Variants in POMT2 observed in about 807,000 individuals in gnomAD.
The protein encoded by POMT2 is protein O-mannosyltransferase 2, also known as protein O-mannosyl-transferase 2.
POMT2 carries 75 observed loss-of-function variants against 100.0 expected under a neutral mutation model. That is an observed-to-expected ratio of 0.75 (90% CI 0.62 to 0.91). POMT2 has a LOEUF of 0.91. Among genes scored for constraint, POMT2 ranks in the 40% least tolerant of loss-of-function variants. The pLI, the probability that POMT2 is intolerant of heterozygous loss-of-function variation, is 0.00. For missense variants in POMT2, 940 were observed against 955.1 expected, an observed-to-expected ratio of 0.98 and a Z score of 0.21; for synonymous variants, 378 against 374.1, an observed-to-expected ratio of 1.01 and a Z score of -0.12.
At chr14:77,310,158 T>C (rs4899650) in intron 2 of POMT2, among the ~76,000 whole-genome samples, 1 of 152,138 alleles carries the variant, frequency 6.6e-6, no homozygotes, top group Non-Finnish European at 1.5e-5. Flanking sequence ...ATACTCAACA[T>C]GTTCTGTTGT....
At chr14:77,297,902 G>C (rs1890886947) in intron 8 of POMT2, among the ~76,000 whole-genome samples, 1 of 152,080 alleles carries the variant, frequency 6.6e-6, no homozygotes, top group African/African-American at 2.4e-5. Context: ...CAGCCTTCCT[G>C]GCCTCCTGGC....
chr14:77,283,371 T>C (rs1566646165), intron 15 of POMT2, among the ~76,000 whole-genome samples: 1 of 152,234 alleles, frequency 6.6e-6, no homozygotes, highest in Non-Finnish European at 1.5e-5. Flanking sequence ...TGAAGGAGTG[T>C]AGTGGTAACT....
At position 77,278,860 on chromosome 14, in the gene POMT2, T is replaced by A; in HGVS notation, c.1901A>T (p.Gln634Leu). ...CTGGCCGCCTCCTCGAAGCAGGACC[T>A]GGGACAACCCTGGGCCCAAGCAGCA... Reference protein sequence around the residue: ...RLPAEVAGLSQVLLRGGGQVL... With the variant: ...RLPAEVAGLSLVLLRGGGQVL... Residue 634 changes from glutamine (Q) to leucine (L), a missense_variant, in exon 19 of 21, where the codon CAG (glutamine) becomes CTG (leucine). By Grantham distance (113) the Gln-to-Leu change is moderately radical. Transcript: ENST00000261534. 2 of 1,613,180 alleles carry A rather than the reference T, an allele frequency of 1.2e-6. No homozygotes were observed. The highest frequency in any genetic ancestry group is 2.2e-5 in the South Asian group (2 of 91,070).
Position 77,275,283 on chromosome 14 carries a change from T to C in POMT2, c.*2093A>G, listed in dbSNP as rs528818473. The C allele has an allele frequency of 2.8e-4, 43 of 152,362 alleles. No individual in the cohort carries two copies. The highest frequency in any genetic ancestry group is 4.4e-4 in the Non-Finnish European group (30 of 68,050). 9.4% of individuals were successfully genotyped at this position (152,362 alleles called of 1,614,324 possible). A position where few individuals can be genotyped will look rare whatever the true frequency, so the allele number is the denominator to read the frequency against. ...GGAGGAACAGAAAGTGGGCAGGGAA[T>C]TCTCCTTGGCTCCTTAGAAGGCAGT... On this transcript the variant is annotated 3_prime_UTR_variant, in exon 21 of 21. Transcript: ENST00000261534.
At chr14:77,285,734 G>A (rs112650618) in intron 12 of POMT2, 102 bp from the exon 13 acceptor site, 1 of 1,360,072 alleles carries the variant, frequency 7.4e-7, no homozygotes, top group Middle Eastern at 1.8e-4. Context: ...ATGTTATGAA[G>A]GTCAAAGACC....
intron 10 of POMT2, among the ~76,000 whole-genome samples, chr14:77,289,399 A>T (rs1890560298): frequency 6.6e-6 from 1 of 150,822 alleles, no homozygotes; most frequent in Non-Finnish European, 1.5e-5. Context: ...TCCAAAAAAA[A>T]AGAAGAAGAA....
At chr14:77,309,615 C>T (rs1231387974) in intron 2 of POMT2, among the ~76,000 whole-genome samples, 2 of 152,180 alleles carry the variant, frequency 1.3e-5, no homozygotes, top group Non-Finnish European at 2.9e-5. Flanking sequence ...AGAAGCCTCA[C>T]ACTTCTCCCT....
intron 9 of POMT2, 114 bp downstream of exon 9, chr14:77,296,050 A>G: frequency 1.2e-6 from 1 of 864,474 alleles, no homozygotes. Context: ...GTGCAGGGCT[A>G]GGAAGAATGT....
rs545387765 is a variant in POMT2, at chr14:77,320,860, C to A, written c.-179G>T. ...GCGGGCAGCGTGGTCGCGGCCCGGG[C>A]CGCTAGGAGGCGGCAGGAGGCGCAG... On this transcript the variant is annotated 5_prime_UTR_variant, in exon 1 of 21. Transcript: ENST00000261534. 2.6e-4 allele frequency: 334 copies of A among 1,278,206 alleles called. 1 individual carries two copies. The Middle Eastern group carries it at 3.2e-3, about 12-fold the overall frequency. 79.2% of individuals were successfully genotyped at this position (1,278,206 alleles called of 1,614,324 possible).
At chr14:77,288,512 A>T (rs574934432) in intron 11 of POMT2, among the ~76,000 whole-genome samples, 9 of 152,284 alleles carry the variant, frequency 5.9e-5, no homozygotes, top group African/African-American at 1.9e-4. Flanking sequence ...CTCAAAAAAA[A>T]ACAGCAGCAG....
chr14:77,280,021 C>T lies in POMT2; in HGVS notation c.1785G>A (p.Pro595=), dbSNP rs202237807. Residue 595 remains proline (P), a splice_region_variant and synonymous_variant, in exon 17 of 21, where the codon CCG becomes CCA. Transcript: ENST00000261534. The part of the protein sequence containing the change: ...TDFRVYLLGN[P]VVWWLNLLSI... ...GAGCCGGGAATGTTTAGGCACTCACCGGGTTGCCAAGCAGATAGACTCGGA... is the reference window on the plus strand; with the variant it reads ...GAGCCGGGAATGTTTAGGCACTCACTGGGTTGCCAAGCAGATAGACTCGGA... 8.8e-5 allele frequency: 142 copies of T among 1,613,896 alleles called. No individual in the cohort carries two copies. Among genetic ancestry groups the T allele is most frequent in the Middle Eastern group, 1.6e-4 (1 of 6,084 alleles).
At position 77,283,888 on chromosome 14, in the gene POMT2, T is replaced by A; in HGVS notation, c.1577-15A>T. ...GATGTTTGGCACTAGGGGAAAAAAA[T>A]GCAGGAGAAAAGCCTTTGTCATACA... is the stretch of plus-strand genomic sequence containing the variant. On this transcript the variant is annotated splice_polypyrimidine_tract_variant and intron_variant, in intron 14 of 20. Transcript: ENST00000261534. 1 of 1,593,220 alleles carries A rather than the reference T, an allele frequency of 6.3e-7. No homozygotes were observed. Among genetic ancestry groups the A allele is most frequent in the Non-Finnish European group, 8.6e-7 (1 of 1,161,010 alleles).
At chr14:77,295,808 G>A (rs146466232) in intron 9 of POMT2, among the ~76,000 whole-genome samples, 214 of 152,122 alleles carry the variant, frequency 1.4e-3, no homozygotes, top group African/African-American at 4.5e-3. Context: ...CACCGTGCTA[G>A]GCAATTGAGC....
chr14:77,310,608 A>G (rs1003400106), intron 2 of POMT2, among the ~76,000 whole-genome samples: 7 of 151,942 alleles, frequency 4.6e-5, no homozygotes, highest in African/African-American at 1.7e-4. Flanking sequence ...CTTAAGCCCA[A>G]CCATAGGTGA....
At position 77,279,829 on chromosome 14, in the gene POMT2, C is replaced by T. The variant is rs777708372; in HGVS notation, c.1885G>A (p.Val629Ile). The T allele has an allele frequency of 1.2e-6, 2 of 1,613,310 alleles. No individual in the cohort carries two copies. The highest frequency in any genetic ancestry group is 1.7e-6 in the Non-Finnish European group (2 of 1,179,862). Residue 629 changes from valine to isoleucine, a missense_variant, in exon 18 of 21, where the codon GTT (valine) becomes ATT (isoleucine). Val to Ile is a conservative substitution (Grantham distance 29). Coordinates refer to ENST00000261534, the MANE Select transcript of POMT2 (RefSeq NM_013382.7). ...MQRGARLPAE[V>I]AGLSQVLLRG... Reference sequence around the variant, plus strand: ...AGAGCCCAGAGGACCTGACCTGCAACCTCCGCTGGCAGCCGTGCCCCTCTC... The same window carrying T: ...AGAGCCCAGAGGACCTGACCTGCAATCTCCGCTGGCAGCCGTGCCCCTCTC...
In POMT2 at chr14:77,284,993, G is replaced by A; in HGVS notation, c.1533C>T (p.Thr511=). Residue 511 remains threonine, a synonymous_variant, in exon 14 of 21, where the codon ACC becomes ACT. Coordinates refer to ENST00000261534, the MANE Select transcript of POMT2 (RefSeq NM_013382.7). The part of the protein sequence containing the change: ...EVTCTPYLKE[T]LNSIWNVEDH... ...CCTCCACATTCCAGATGGAGTTGAG[G>A]GTTTCTTTCAGGTATGGGGTGCAAG... 2 of 1,613,708 alleles carry A rather than the reference G, an allele frequency of 1.2e-6. No individual in the cohort carries two copies. The highest frequency in any genetic ancestry group is 2.2e-5 in the South Asian group (2 of 91,078).
At chr14:77,300,820 A>AC (rs35094014) in intron 6 of POMT2, 32 of 120,400 alleles carry the variant, frequency 2.7e-4, no homozygotes, top group Non-Finnish European at 4.8e-4. Flanking sequence ...ACTCTATCTC[A>AC]AAAAAAAAAA....
chr14:77,278,689 C>T, intron 19 of POMT2, 40 bp downstream of exon 19: 1 of 1,612,992 alleles, frequency 6.2e-7, no homozygotes, highest in South Asian at 1.1e-5. Flanking sequence ...GCCCGCCCTC[C>T]ACCTGCTCTG....
chr14:77,318,961 C>T (rs143134381), intron 1 of POMT2, among the ~76,000 whole-genome samples: 1 of 152,274 alleles, frequency 6.6e-6, no homozygotes, highest in African/African-American at 2.4e-5. Flanking sequence ...GTCTCGAACT[C>T]CTGACCTCAG....
Sources: allele counts gnomAD v4.1 joint callset (sites outside exome capture counted in the v4.1 genomes callset), GRCh38; gene constraint gnomAD v4.1.1; transcripts MANE v1.5; gene names NCBI Gene and HGNC (gene_info 2026-07-23, HGNC 2026-07-21).